Variants in GRIP1 observed in about 807,000 individuals in gnomAD.
The protein encoded by GRIP1 is glutamate receptor-interacting protein 1.
A neutral mutation model predicts 129.9 loss-of-function variants in GRIP1; 45 were observed. The observed-to-expected ratio is 0.35, with a 90% CI of 0.27 to 0.44. The LOEUF (loss-of-function observed/expected upper bound fraction) is 0.44. GRIP1 is among the 20% of genes least tolerant of loss of function. GRIP1 has a pLI of 1.00. For synonymous variants in GRIP1, 530 were observed against 520.8 expected, an observed-to-expected ratio of 1.02 and a Z score of -0.24; for missense variants, 1,196 against 1,396.8, an observed-to-expected ratio of 0.86 and a Z score of 2.29.
intron 19 of GRIP1, among the ~76,000 whole-genome samples, chr12:66,383,262 A>G (rs376265593): frequency 6.6e-6 from 1 of 151,564 alleles, no homozygotes; most frequent in Admixed American, 6.6e-5. Context: ...ATGCCACTGC[A>G]CTCCAGCCTG....
intron 1 of GRIP1, among the ~76,000 whole-genome samples, chr12:66,828,064 C>A (rs1469110728): frequency 6.6e-6 from 1 of 152,152 alleles, no homozygotes; most frequent in East Asian, 1.9e-4. Context: ...GACTCCCATG[C>A]CTCAGGGTCC....
At chr12:66,803,549 T>C (rs2038916488) in intron 1 of GRIP1, among the ~76,000 whole-genome samples, 1 of 152,214 alleles carries the variant, frequency 6.6e-6, no homozygotes, top group Admixed American at 6.5e-5. Context: ...AATAACAAAA[T>C]TGTAAACATG....
chr12:66,596,777 A>C (rs199676958), intron 2 of GRIP1, 70 bp downstream of exon 2: 49 of 863,164 alleles, frequency 5.7e-5, no homozygotes, highest in Non-Finnish European at 8.3e-5. Flanking sequence ...CCAAGTTGGA[A>C]TTATTTAGAA....
chr12:66,807,641 T>G (rs1400866862), upstream of GRIP1, among the ~76,000 whole-genome samples: 1 of 151,952 alleles, frequency 6.6e-6, no homozygotes, highest in East Asian at 1.9e-4. Context: ...GCCACTGCAC[T>G]CCAGCCTGGG....
intron 16 of GRIP1, among the ~76,000 whole-genome samples, chr12:66,402,126 C>A (rs924943786): frequency 6.6e-6 from 1 of 152,210 alleles, no homozygotes; most frequent in African/African-American, 2.4e-5. Flanking sequence ...TAACTTTCTG[C>A]ACCACTTCAC....
intron 1 of GRIP1, among the ~76,000 whole-genome samples, chr12:66,632,831 A>C (rs2140052958): frequency 6.6e-6 from 1 of 152,308 alleles, no homozygotes; most frequent in East Asian, 1.9e-4. Flanking sequence ...TCCTGCTCTT[A>C]TCCATTAATG....
At chr12:66,839,871 T>C (rs2039683604) in intron 1 of GRIP1, among the ~76,000 whole-genome samples, 1 of 152,220 alleles carries the variant, frequency 6.6e-6, no homozygotes, top group African/African-American at 2.4e-5. Flanking sequence ...TACCATTCAT[T>C]GCCCCTCTGT....
rs1399264725 is a variant in GRIP1 at position 66,580,601 on chromosome 12, T to G, written c.136+16246A>C. Reference sequence around the variant, plus strand: ...ATGGAAAACAAAAAAAGGCAGGGGTTGCAATCCTAGTCTCTGATAAAACAG... The same window carrying G: ...ATGGAAAACAAAAAAAGGCAGGGGTGGCAATCCTAGTCTCTGATAAAACAG... On this transcript the variant is annotated intron_variant, in intron 2 of 24. Coordinates refer to ENST00000359742, the MANE Select transcript of GRIP1 (RefSeq NM_001366722.1). Among the ~76,000 whole-genome samples, 6 of 148,314 alleles carry G rather than the reference T, an allele frequency of 4.0e-5. No individual in the cohort carries two copies. In the South Asian group the frequency reaches 8.7e-4, roughly 22 times the overall value.
intron 1 of GRIP1, among the ~76,000 whole-genome samples, chr12:67,048,741 T>C (rs909453116): frequency 7.9e-5 from 12 of 152,192 alleles, no homozygotes; most frequent in East Asian, 1.9e-4. Flanking sequence ...GTTCTCATGA[T>C]AGTGAATAAG....
chr12:66,362,394 C>T (rs1371435169), intron 23 of GRIP1, among the ~76,000 whole-genome samples: 3 of 149,276 alleles, frequency 2.0e-5, no homozygotes, highest in Non-Finnish European at 2.9e-5. Context: ...CTCAAATGAT[C>T]CACCCGCCTT....
At chr12:66,858,871 T>G (rs1294669707) in intron 1 of GRIP1, among the ~76,000 whole-genome samples, 2 of 151,866 alleles carry the variant, frequency 1.3e-5, no homozygotes, top group Non-Finnish European at 2.9e-5. Flanking sequence ...TCTAGTATTT[T>G]TAGCATTAAT....
chr12:66,516,853 T>A (rs2060858925), intron 6 of GRIP1, among the ~76,000 whole-genome samples: 1 of 152,160 alleles, frequency 6.6e-6, no homozygotes, highest in Non-Finnish European at 1.5e-5. Context: ...AAAAGTGAGC[T>A]AATCATATGA....
intron 1 of GRIP1, among the ~76,000 whole-genome samples, chr12:66,790,555 G>GAAGT (rs1335860572): frequency 6.6e-6 from 1 of 152,106 alleles, no homozygotes. Context: ...ATACAAAGAT[G>GAAGT]AAGTATAAAG....
At position 66,717,686 on chromosome 12, in the gene GRIP1, A is replaced by G. The variant is rs142040110; in HGVS notation, c.-420+86367T>C. 1.5e-3 allele frequency among the ~76,000 whole-genome samples: 227 copies of G among 152,306 alleles called. 1 individual carries two copies. The highest frequency in any genetic ancestry group is 2.7e-3 in the Admixed American group (42 of 15,300). ...TCTCTCTGTCTGCTTAGGCCTTAAA[A>G]TGGTGATGCATATTGAACAGTCATT... On this transcript the variant is annotated intron_variant, in intron 1 of 4. Coordinates refer to the GRIP1 transcript ENST00000538373.
intron 1 of GRIP1, among the ~76,000 whole-genome samples, chr12:66,736,074 G>A (rs769619129): frequency 2.6e-5 from 4 of 152,126 alleles, no homozygotes; most frequent in Non-Finnish European, 5.9e-5. Flanking sequence ...CCCCTGCACA[G>A]TCAAAAATCT....
In GRIP1 at chr12:66,455,397, C is replaced by A; in HGVS notation, c.1354+12G>T. On this transcript the variant is annotated intron_variant, in intron 11 of 24. Coordinates refer to ENST00000359742, the MANE Select transcript of GRIP1 (RefSeq NM_001366722.1). ...TTCCAGGCCAAATGCCATTGGCTGT[C>A]ATTTCACTTACATGAGCTTTTGAAG... 1 of 1,613,704 alleles carries A rather than the reference C, an allele frequency of 6.2e-7. No individual in the cohort carries two copies. Among genetic ancestry groups the A allele is most frequent in the South Asian group, 1.1e-5 (1 of 91,048 alleles).
At chr12:66,904,763 G>A (rs12228339) in intron 1 of GRIP1, among the ~76,000 whole-genome samples, 39,456 of 151,936 alleles carry the variant, frequency 0.26, 5,539 homozygotes, top group East Asian at 0.45. Flanking sequence ...ATGGTGGCAG[G>A]TGCCTGTAGC....
intron 1 of GRIP1, among the ~76,000 whole-genome samples, chr12:67,023,653 T>C (rs973283312): frequency 2.0e-5 from 3 of 152,146 alleles, no homozygotes; most frequent in Non-Finnish European, 4.4e-5. Context: ...TACTAAAAAA[T>C]GTCTGCTGGG....
intron 1 of GRIP1, among the ~76,000 whole-genome samples, chr12:66,854,023 GA>G (rs888671830): frequency 6.6e-6 from 1 of 151,862 alleles, no homozygotes; most frequent in African/African-American, 2.4e-5. Context: ...ATGGGCATAA[GA>G]AAAAAATAAG....
Sources: gnomAD v4.1 joint callset for allele counts (sites outside exome capture counted in the v4.1 genomes callset) on GRCh38, gnomAD v4.1.1 for gene constraint, MANE v1.5 for transcripts, NCBI Gene and HGNC (gene_info 2026-07-23, HGNC 2026-07-21) for gene names.